The following STK32B variants were observed in gnomAD, a reference collection of about 807,000 sequenced individuals.
STK32B encodes the protein serine/threonine kinase 32B, also known as serine/threonine-protein kinase 32B.
In STK32B, 43 loss-of-function variants were observed where a neutral mutation model predicts 52.6. That is an observed-to-expected ratio of 0.82 (90% CI 0.64 to 1.05). The LOEUF (loss-of-function observed/expected upper bound fraction) is 1.05. Ranked by LOEUF, STK32B falls within the 50% of genes least tolerant of loss-of-function variation. STK32B has a pLI of 0.00. For synonymous variants in STK32B, 238 were observed against 204.3 expected (o/e 1.17, Z -1.41); for missense variants, 621 against 534.6 (o/e 1.16, Z -1.59).
At chr4:5,337,237 C>T (rs1013153415) in intron 4 of STK32B, among the ~76,000 whole-genome samples, 2 of 151,956 alleles carry the variant, frequency 1.3e-5, no homozygotes, top group South Asian at 4.2e-4. Flanking sequence ...AGTCCACCCA[C>T]CTTGGCCTCT....
intron 2 of STK32B, among the ~76,000 whole-genome samples, chr4:5,150,276 C>T (rs1464750700): frequency 1.3e-5 from 2 of 151,894 alleles, no homozygotes; most frequent in African/African-American, 4.8e-5. Flanking sequence ...GTCATATTAC[C>T]TTTTATATCA....
chr4:5,236,111 A>G (rs916540194), intron 3 of STK32B, among the ~76,000 whole-genome samples: 3 of 152,190 alleles, frequency 2.0e-5, no homozygotes, highest in African/African-American at 7.2e-5. Context: ...CATTGGTGGC[A>G]GAGCTGCCTT....
chr4:5,090,237 G>A lies in STK32B; in HGVS notation c.52+38322G>A, dbSNP rs139174607. Among the ~76,000 whole-genome samples the A allele has an allele frequency of 0.02, 2,966 of 151,946 alleles. 175 individuals carry two copies. In the East Asian group the frequency reaches 0.22, roughly 11 times the overall value. On this transcript the variant is annotated intron_variant, in intron 1 of 11. Coordinates refer to ENST00000282908, the MANE Select transcript of STK32B (RefSeq NM_018401.3). ...TAATTAGATCCCATTTGTCAATTTT[G>A]GCTTTTGTTGCAATTGCTTTTGGTA...
intron 3 of STK32B, among the ~76,000 whole-genome samples, chr4:5,327,250 C>A (rs902390204): frequency 2.0e-5 from 3 of 151,276 alleles, no homozygotes; most frequent in Admixed American, 6.6e-5. Flanking sequence ...CCACTTCTTC[C>A]AAACTCCTGT....
intron 4 of STK32B, among the ~76,000 whole-genome samples, chr4:5,387,678 T>C (rs1353128157): frequency 6.6e-6 from 1 of 152,082 alleles, no homozygotes; most frequent in African/African-American, 2.4e-5. Flanking sequence ...ACCCAGAGGA[T>C]GGAAATGGAA....
intron 3 of STK32B, among the ~76,000 whole-genome samples, chr4:5,177,397 C>T (rs549782665): frequency 6.6e-6 from 1 of 152,140 alleles, no homozygotes; most frequent in Non-Finnish European, 1.5e-5. Context: ...CCCACTAGGT[C>T]CCTCCCATGA....
chr4:5,241,982 G>C (rs1245545438), intron 3 of STK32B, among the ~76,000 whole-genome samples: 1 of 152,130 alleles, frequency 6.6e-6, no homozygotes, highest in African/African-American at 2.4e-5. Context: ...ATCATTGTTG[G>C]ACATTTGGGT....
At chr4:5,436,689 G>A (rs1236839602) in intron 6 of STK32B, 14 of 982,304 alleles carry the variant, frequency 1.4e-5, no homozygotes, top group African/African-American at 3.5e-5. Flanking sequence ...TTAGAATCAC[G>A]CAGAATTGGC....
intron 7 of STK32B, chr4:5,447,113 T>A (rs1057352095): frequency 5.2e-6 from 1 of 191,152 alleles, no homozygotes; most frequent in African/African-American, 2.3e-5. Context: ...GGTCTTCATG[T>A]CTGATTTTCT....
At chr4:5,369,922 C>A (rs1419218510) in intron 4 of STK32B, among the ~76,000 whole-genome samples, 1 of 151,574 alleles carries the variant, frequency 6.6e-6, no homozygotes, top group African/African-American at 2.4e-5. Flanking sequence ...GTCGCCCAGG[C>A]TGGAGTGCAG....
At position 5,500,629 on chromosome 4, in the gene STK32B, CATTTTAA is replaced by C. The variant is rs1273200714; in HGVS notation, c.*1547_*1553del. On this transcript the variant is annotated 3_prime_UTR_variant, in exon 12 of 12. Coordinates refer to ENST00000282908, the MANE Select transcript of STK32B (RefSeq NM_018401.3). ...GTCATCTCTTAGATTTCTTAAAAGA[CATTTTAA>C]TGTATGGTTAGGTTTTATATTTTTA... The C allele has an allele frequency of 6.6e-6, 1 of 152,196 alleles. No homozygotes were observed. Among genetic ancestry groups the C allele is most frequent in the East Asian group, 1.9e-4 (1 of 5,200 alleles). 9.4% of individuals were successfully genotyped at this position (152,196 alleles called of 1,614,324 possible).
intron 3 of STK32B, among the ~76,000 whole-genome samples, chr4:5,250,160 A>G (rs1190624941): frequency 6.6e-6 from 1 of 152,108 alleles, no homozygotes; most frequent in Non-Finnish European, 1.5e-5. Flanking sequence ...TCTGCTATTG[A>G]TGGACATTTA....
chr4:5,066,982 T>G (rs529423579), intron 1 of STK32B, among the ~76,000 whole-genome samples: 1 of 152,340 alleles, frequency 6.6e-6, no homozygotes, highest in African/African-American at 2.4e-5. Context: ...GGCTCTTTCA[T>G]TAAGTCAGTA....
At chr4:5,306,712 G>C (rs532267285) in intron 3 of STK32B, among the ~76,000 whole-genome samples, 15 of 151,978 alleles carry the variant, frequency 9.9e-5, no homozygotes, top group Admixed American at 6.6e-4. Flanking sequence ...TTGCTTTTTT[G>C]TGTATTGTTG....
At chr4:5,209,820 T>C (rs941349563) in intron 3 of STK32B, among the ~76,000 whole-genome samples, 4 of 152,150 alleles carry the variant, frequency 2.6e-5, no homozygotes, top group African/African-American at 9.7e-5. Context: ...TTGGATACTT[T>C]AACAACCTTG....
At chr4:5,181,329 G>GGCACACACAC (rs1720333802) in intron 3 of STK32B, among the ~76,000 whole-genome samples, 1 of 138,020 alleles carries the variant, frequency 7.2e-6, no homozygotes, top group African/African-American at 2.7e-5. Context: ...TGGAGAGTGA[G>GGCACACACAC]ACACACACAC....
At chr4:5,488,695 A>G (rs185885536) in intron 11 of STK32B, among the ~76,000 whole-genome samples, 2 of 152,248 alleles carry the variant, frequency 1.3e-5, no homozygotes, top group African/African-American at 4.8e-5. Context: ...TTACCACACA[A>G]GATTCTTTCT....
rs1714271454 is a variant in STK32B at position 5,438,099 on chromosome 4, G to A, written c.563-8574G>A. ...GACAAGGTTTGATGGGGAACACCTCGGCACACACAGCCATTCTGCACTGCT... is the reference window on the plus strand; with the variant it reads ...GACAAGGTTTGATGGGGAACACCTCAGCACACACAGCCATTCTGCACTGCT... On this transcript the variant is annotated intron_variant, in intron 6 of 11. Transcript: ENST00000282908. 1.0e-5 allele frequency: 10 copies of A among 985,332 alleles called. No homozygotes were observed. In the South Asian group the frequency reaches 1.4e-4, roughly 14 times the overall value. 61.0% of individuals were successfully genotyped at this position (985,332 alleles called of 1,614,324 possible). A position where few individuals can be genotyped will look rare whatever the true frequency, so the allele number is the denominator to read the frequency against.
chr4:5,113,393 T>C (rs1367991334), intron 1 of STK32B, among the ~76,000 whole-genome samples: 1 of 152,184 alleles, frequency 6.6e-6, no homozygotes, highest in African/African-American at 2.4e-5. Flanking sequence ...TATGATATTT[T>C]GTTATAGCAG....
Sources: allele counts gnomAD v4.1 joint callset (sites outside exome capture counted in the v4.1 genomes callset), GRCh38; gene constraint gnomAD v4.1.1; transcripts MANE v1.5; gene names NCBI Gene and HGNC (gene_info 2026-07-23, HGNC 2026-07-21).